CSMD1: variants seen among roughly 807,000 people sequenced by gnomAD.
CSMD1 encodes the protein CUB and sushi domain-containing protein 1.
CSMD1 carries 213 observed loss-of-function variants against 417.5 expected under a neutral mutation model. The observed-to-expected ratio is 0.51, with a 90% CI of 0.46 to 0.57. The LOEUF is 0.57. Among genes scored for constraint, CSMD1 ranks in the 20% least tolerant of loss-of-function variants. The pLI is 0.00. For missense variants in CSMD1, 6,923 were observed against 4,529.7 expected (o/e 1.53, Z -15.17); for synonymous variants, 2,862 against 1,736.8 (o/e 1.65, Z -16.11).
At chr8:4,010,536 C>G (rs1203586247) in intron 4 of CSMD1, among the ~76,000 whole-genome samples, 3 of 152,110 alleles carry the variant, frequency 2.0e-5, no homozygotes, top group African/African-American at 7.2e-5. Context: ...CCCATCATCA[C>G]CCTCTATCTT....
chr8:4,512,308 C>G (rs1585185094), intron 2 of CSMD1, among the ~76,000 whole-genome samples: 1 of 152,140 alleles, frequency 6.6e-6, no homozygotes, highest in Non-Finnish European at 1.5e-5. Context: ...TAAAGAATAT[C>G]TACCAAAAAA....
intron 10 of CSMD1, among the ~76,000 whole-genome samples, chr8:3,538,342 G>C (rs1039203157): frequency 6.6e-6 from 1 of 152,110 alleles, no homozygotes; most frequent in Admixed American, 6.5e-5. Flanking sequence ...TTATGCAACT[G>C]ACATGCTTCA....
intron 27 of CSMD1, among the ~76,000 whole-genome samples, chr8:3,227,505 T>C (rs560406960): frequency 2.4e-4 from 37 of 152,180 alleles, no homozygotes; most frequent in Non-Finnish European, 4.3e-4. Flanking sequence ...TGAGTGCTCA[T>C]TGAAGCTATC....
chr8:3,673,400 G>C (rs768346482), intron 7 of CSMD1, among the ~76,000 whole-genome samples: 1 of 152,206 alleles, frequency 6.6e-6, no homozygotes, highest in Non-Finnish European at 1.5e-5. Flanking sequence ...GGAGATGAAA[G>C]TATTTGAAGA....
chr8:3,592,675 CGTGTGTGTGTGCACATCCGTGTGT>C (rs1484326690), intron 8 of CSMD1, among the ~76,000 whole-genome samples: 1 of 127,774 alleles, frequency 7.8e-6, no homozygotes, highest in Non-Finnish European at 1.5e-5. Context: ...TGTGCACATC[CGTGTGTGTGTGCACATCCGTGTGT>C]GTGTGTGTGT....
At chr8:4,345,920 G>T (rs1328063303) in intron 3 of CSMD1, among the ~76,000 whole-genome samples, 1 of 152,068 alleles carries the variant, frequency 6.6e-6, no homozygotes. Flanking sequence ...CGTAACAAGG[G>T]AGGGGCTTTT....
intron 5 of CSMD1, among the ~76,000 whole-genome samples, chr8:3,780,647 T>G (rs73498895): frequency 0.036 from 5,411 of 152,262 alleles, 342 homozygotes; most frequent in African/African-American, 0.12. Context: ...CCTGGGGTTG[T>G]AATCAAGCCC....
At chr8:4,209,907 C>T (rs1330358600) in intron 3 of CSMD1, among the ~76,000 whole-genome samples, 1 of 152,100 alleles carries the variant, frequency 6.6e-6, no homozygotes, top group Non-Finnish European at 1.5e-5. Flanking sequence ...AGGTGGTCTC[C>T]ATGGAAAGCG....
intron 2 of CSMD1, among the ~76,000 whole-genome samples, chr8:4,478,320 G>T (rs1417582740): frequency 6.6e-6 from 1 of 152,198 alleles, no homozygotes; most frequent in Non-Finnish European, 1.5e-5. Context: ...GTTGCCTCAT[G>T]TGACAGTTTA....
intron 7 of CSMD1, among the ~76,000 whole-genome samples, chr8:3,635,812 A>AAAAAAAAAAAAG (rs1554495065): frequency 8.5e-6 from 1 of 117,606 alleles, no homozygotes; most frequent in Non-Finnish European, 1.7e-5. Flanking sequence ...AAAAAAAAAA[A>AAAAAAAAAAAAG]AAAGAAAGAA....
At chr8:3,937,595 C>T (rs569766801) in intron 5 of CSMD1, among the ~76,000 whole-genome samples, 5 of 152,178 alleles carry the variant, frequency 3.3e-5, no homozygotes, top group Admixed American at 1.3e-4. Flanking sequence ...CTTTAATATG[C>T]ACTGGGGAAC....
intron 3 of CSMD1, among the ~76,000 whole-genome samples, chr8:4,324,737 G>A (rs953888229): frequency 6.6e-6 from 1 of 152,126 alleles, no homozygotes; most frequent in Non-Finnish European, 1.5e-5. Context: ...ATGGATGAAG[G>A]GTTTCAGTTT....
At chr8:3,523,945 G>A (rs1332171597) in intron 10 of CSMD1, among the ~76,000 whole-genome samples, 1 of 122,566 alleles carries the variant, frequency 8.2e-6, no homozygotes, top group Non-Finnish European at 1.7e-5. Flanking sequence ...ACTCAGACAC[G>A]TGCATACACA....
intron 8 of CSMD1, among the ~76,000 whole-genome samples, chr8:3,614,209 T>A (rs1209289910): frequency 6.6e-6 from 1 of 152,126 alleles, no homozygotes; most frequent in Non-Finnish European, 1.5e-5. Context: ...TAGAGACATA[T>A]AAACAACATA....
intron 3 of CSMD1, among the ~76,000 whole-genome samples, chr8:4,061,753 C>T (rs1179434575): frequency 6.6e-6 from 1 of 152,170 alleles, no homozygotes; most frequent in Non-Finnish European, 1.5e-5. Flanking sequence ...TGAGTCACCT[C>T]TCTGCATGTT....
intron 5 of CSMD1, among the ~76,000 whole-genome samples, chr8:3,910,175 G>A (rs960924024): frequency 6.6e-6 from 1 of 152,114 alleles, no homozygotes; most frequent in Non-Finnish European, 1.5e-5. Flanking sequence ...TTACATCGGG[G>A]GACAAGGAAT....
chr8:3,714,695 C>T (rs1801728773), intron 6 of CSMD1, among the ~76,000 whole-genome samples: 2 of 152,028 alleles, frequency 1.3e-5, no homozygotes, highest in Admixed American at 6.5e-5. Flanking sequence ...CGAAACGGTG[C>T]CACTGTACTC....
At chr8:4,860,598 C>T (rs13279921) in intron 1 of CSMD1, among the ~76,000 whole-genome samples, 59,159 of 151,820 alleles carry the variant, frequency 0.39, 11,719 homozygotes, top group Non-Finnish European at 0.43. Context: ...TTAAAACTCT[C>T]TTCTTTATAA....
chr8:4,084,363 G>A (rs149717298), intron 3 of CSMD1, among the ~76,000 whole-genome samples: 1 of 151,240 alleles, frequency 6.6e-6, no homozygotes, highest in African/African-American at 2.4e-5. Context: ...AACCATAAAT[G>A]CAATCTAGAA....
Sources: allele counts gnomAD v4.1 joint callset (sites outside exome capture counted in the v4.1 genomes callset), GRCh38; gene constraint gnomAD v4.1.1; transcripts MANE v1.5; gene names NCBI Gene and HGNC (gene_info 2026-07-23, HGNC 2026-07-21).